The following DMRT1 variants were observed in gnomAD, a reference collection of about 807,000 sequenced individuals.
DMRT1 encodes doublesex- and mab-3-related transcription factor 1.
DMRT1 carries 7 observed loss-of-function variants against 32.3 expected under a neutral mutation model. The observed-to-expected ratio is 0.22, with a 90% CI of 0.12 to 0.41. The LOEUF is 0.41. Ranked by LOEUF, DMRT1 falls within the 10% of genes least tolerant of loss-of-function variation. The probability of loss-of-function intolerance (pLI) is 1.00; values close to 1 mark genes in which losing one functional copy is unlikely to be tolerated. For synonymous variants in DMRT1, 278 were observed against 206.1 expected, an observed-to-expected ratio of 1.35 and a Z score of -2.99; for missense variants, 625 against 500.5, an observed-to-expected ratio of 1.25 and a Z score of -2.37.
chr9:918,201 C>G (rs1453540890), intron 4 of DMRT1, among the ~76,000 whole-genome samples: 1 of 152,220 alleles, frequency 6.6e-6, no homozygotes, highest in East Asian at 1.9e-4. Flanking sequence ...GGCGTGCAAG[C>G]ATGAAAGGTC....
intron 2 of DMRT1, among the ~76,000 whole-genome samples, chr9:851,806 C>T (rs1311562598): frequency 6.6e-5 from 10 of 152,006 alleles, no homozygotes; most frequent in Non-Finnish European, 7.4e-5. Context: ...CTTTGAATAA[C>T]GAGTGTAAAA....
chr9:863,891 C>A (rs1303589449), intron 2 of DMRT1, among the ~76,000 whole-genome samples: 2 of 152,124 alleles, frequency 1.3e-5, no homozygotes, highest in African/African-American at 2.4e-5. Flanking sequence ...CTCTATTGAT[C>A]CCGGCCAACA....
At chr9:964,082 C>G (rs936911645) in intron 4 of DMRT1, among the ~76,000 whole-genome samples, 1 of 152,188 alleles carries the variant, frequency 6.6e-6, no homozygotes, top group Non-Finnish European at 1.5e-5. Flanking sequence ...ATCCTGTTTT[C>G]TCACATCACT....
At chr9:912,949 T>G (rs749576183) in intron 3 of DMRT1, among the ~76,000 whole-genome samples, 1 of 152,240 alleles carries the variant, frequency 6.6e-6, no homozygotes, top group Non-Finnish European at 1.5e-5. Flanking sequence ...TGCCACTGTT[T>G]ACAAATAAAG....
rs548480163 is a variant in DMRT1 at position 910,513 on chromosome 9, T to G, written c.823-6250T>G. Among the ~76,000 whole-genome samples the G allele has an allele frequency of 1.3e-3, 193 of 151,426 alleles. 3 individuals carry two copies. Among genetic ancestry groups the G allele is most frequent in the African/African-American group, 4.4e-3 (183 of 41,392 alleles). On this transcript the variant is annotated intron_variant, in intron 3 of 4. Coordinates refer to ENST00000382276, the MANE Select transcript of DMRT1 (RefSeq NM_021951.3). ...TTACTAGATAACCAGTGACTGGTATTTGGGATTTTTTTTTTTAAAAAAAGA... is the reference window on the plus strand; with the variant it reads ...TTACTAGATAACCAGTGACTGGTATGTGGGATTTTTTTTTTTAAAAAAAGA...
chr9:925,109 T>C (rs1160006629), intron 4 of DMRT1, among the ~76,000 whole-genome samples: 1 of 152,164 alleles, frequency 6.6e-6, no homozygotes, highest in East Asian at 1.9e-4. Context: ...CACTGCAGCA[T>C]GTTAGCAAGA....
At chr9:867,000 T>A (rs1009925835) in intron 2 of DMRT1, among the ~76,000 whole-genome samples, 6 of 152,266 alleles carry the variant, frequency 3.9e-5, no homozygotes, top group African/African-American at 1.2e-4. Flanking sequence ...TTCTAAAAGA[T>A]GTAGATAAAC....
intron 3 of DMRT1, among the ~76,000 whole-genome samples, chr9:900,044 C>G (rs568467565): frequency 1.3e-5 from 2 of 152,338 alleles, no homozygotes; most frequent in Admixed American, 1.3e-4. Context: ...TAACATGCTT[C>G]CAGAGCCCAC....
intron 3 of DMRT1, among the ~76,000 whole-genome samples, chr9:898,236 C>T (rs1817447705): frequency 1.3e-5 from 2 of 152,104 alleles, no homozygotes; most frequent in African/African-American, 2.4e-5. Flanking sequence ...TCCTGTGCCT[C>T]AGCCTCCCAA....
chr9:897,079 T>A (rs949555814), intron 3 of DMRT1, among the ~76,000 whole-genome samples: 1 of 140,774 alleles, frequency 7.1e-6, no homozygotes, highest in African/African-American at 2.7e-5. Context: ...ATACGTTTTA[T>A]TTTTGGAATC....
chr9:871,969 C>G (rs371022024), intron 2 of DMRT1, among the ~76,000 whole-genome samples: 2 of 151,416 alleles, frequency 1.3e-5, no homozygotes, highest in Non-Finnish European at 1.5e-5. Flanking sequence ...TTACATTTTT[C>G]TATTGATTTC....
intron 3 of DMRT1, among the ~76,000 whole-genome samples, chr9:900,370 GC>G (rs34936546): frequency 0.55 from 82,987 of 151,906 alleles, 25,638 homozygotes; most frequent in Non-Finnish European, 0.7. Flanking sequence ...TTTTCCCACT[GC>G]CCCCCCTTTT....
chr9:902,251 G>A (rs527333741), intron 3 of DMRT1, among the ~76,000 whole-genome samples: 5 of 147,512 alleles, frequency 3.4e-5, no homozygotes, highest in Admixed American at 6.8e-5. Context: ...ATTAGATGGT[G>A]GGATGTTTTT....
At chr9:915,751 T>TTTTTTTTTTTTTTTTTTTTTTTTTTTTG (rs1564248221) in intron 3 of DMRT1, among the ~76,000 whole-genome samples, 1 of 150,004 alleles carries the variant, frequency 6.7e-6, no homozygotes, top group African/African-American at 2.5e-5. Flanking sequence ...ATATATTTTT[T>TTTTTTTTTTTTTTTTTTTTTTTTTTTTG]AGACAGAGTC....
intron 4 of DMRT1, among the ~76,000 whole-genome samples, chr9:962,671 C>G (rs1211993915): frequency 6.6e-6 from 1 of 152,114 alleles, no homozygotes; most frequent in African/African-American, 2.4e-5. Flanking sequence ...GCTAATTTTG[C>G]TTGAGTCCCT....
intron 3 of DMRT1, among the ~76,000 whole-genome samples, chr9:914,120 G>T (rs1455792070): frequency 3.3e-5 from 5 of 152,242 alleles, no homozygotes; most frequent in South Asian, 2.1e-4. Flanking sequence ...TGATAACTGG[G>T]TGTGTGTAGT....
intron 4 of DMRT1, among the ~76,000 whole-genome samples, chr9:945,740 CTTT>C (rs33925005): frequency 7.5e-6 from 1 of 134,170 alleles, no homozygotes; most frequent in African/African-American, 2.8e-5. Flanking sequence ...AAAATACACA[CTTT>C]TTTTTTTTTT....
At chr9:896,212 C>G (rs1384309233) in intron 3 of DMRT1, among the ~76,000 whole-genome samples, 1 of 151,190 alleles carries the variant, frequency 6.6e-6, no homozygotes, top group Non-Finnish European at 1.5e-5. Context: ...AGATATTTGT[C>G]AACCATTAGT....
chr9:862,370 G>A (rs879233348), intron 2 of DMRT1, among the ~76,000 whole-genome samples: 5 of 151,972 alleles, frequency 3.3e-5, no homozygotes, highest in Admixed American at 2.0e-4. Context: ...GTGTGGCGGC[G>A]CGCGCCTGCA....
Sources: allele counts gnomAD v4.1 joint callset (sites outside exome capture counted in the v4.1 genomes callset), GRCh38; gene constraint gnomAD v4.1.1; transcripts MANE v1.5; gene names NCBI Gene and HGNC (gene_info 2026-07-23, HGNC 2026-07-21).